ADAMTS9: variants seen among roughly 807,000 people sequenced by gnomAD.
ADAMTS9 encodes the protein A disintegrin and metalloproteinase with thrombospondin motifs 9.
In ADAMTS9, 107 loss-of-function variants were observed where a neutral mutation model predicts 257.1. The observed-to-expected ratio is 0.42, with a 90% CI of 0.36 to 0.49. The LOEUF (loss-of-function observed/expected upper bound fraction) is 0.49, where lower values mean the gene tolerates loss of function less well. Ranked by LOEUF, ADAMTS9 falls within the 20% of genes least tolerant of loss-of-function variation. The probability of loss-of-function intolerance (pLI) is 0.03; values close to 1 mark genes in which losing one functional copy is unlikely to be tolerated. For synonymous variants in ADAMTS9, 982 were observed against 880.9 expected, an observed-to-expected ratio of 1.11 and a Z score of -2.03; for missense variants, 2,353 against 2,469.1, an observed-to-expected ratio of 0.95 and a Z score of 1.00.
In ADAMTS9 at chr3:64,659,489, A is replaced by G. The variant is rs185802464; in HGVS notation, c.680-698T>C. ...TGTCTCAAACAAAAAAAAAAAAAAA[A>G]AAAGGAAATGTTTCATATATATCAC... On this transcript the variant is annotated intron_variant, in intron 3 of 39. Coordinates refer to ENST00000498707, the MANE Select transcript of ADAMTS9 (RefSeq NM_182920.2). Among the ~76,000 whole-genome samples the G allele has an allele frequency of 1.2e-3, 186 of 152,100 alleles. 1 individual carries two copies. Among genetic ancestry groups the G allele is most frequent in the Non-Finnish European group, 2.0e-3 (136 of 67,984 alleles).
chr3:64,627,061 T>C (rs911218521), intron 16 of ADAMTS9, among the ~76,000 whole-genome samples: 4 of 152,184 alleles, frequency 2.6e-5, no homozygotes, highest in African/African-American at 9.6e-5. Context: ...TCAAATGAAG[T>C]TGCATGCTAG....
At chr3:64,590,533 G>T (rs925110480) in intron 28 of ADAMTS9, among the ~76,000 whole-genome samples, 9 of 152,160 alleles carry the variant, frequency 5.9e-5, no homozygotes, top group African/African-American at 2.2e-4. Context: ...AGGTGTGGCT[G>T]CTTAAAACTG....
intron 8 of ADAMTS9, among the ~76,000 whole-genome samples, chr3:64,653,646 A>T (rs774232246): frequency 6.6e-6 from 1 of 152,208 alleles, no homozygotes; most frequent in Non-Finnish European, 1.5e-5. Flanking sequence ...AATTATTTCG[A>T]AATAGATAGT....
chr3:64,613,326 A>G lies in ADAMTS9; in HGVS notation c.3354+19T>C. On this transcript the variant is annotated intron_variant, in intron 22 of 39. Transcript: ENST00000498707. ...GAAGGAAAGAATGTAGCAGTTAAGAATCTTATCGTTCAAAATACCTGTCCC... is the reference window on the plus strand; with the variant it reads ...GAAGGAAAGAATGTAGCAGTTAAGAGTCTTATCGTTCAAAATACCTGTCCC... The G allele has an allele frequency of 6.2e-7, 1 of 1,611,264 alleles. No individual in the cohort carries two copies. The highest frequency in any genetic ancestry group is 1.7e-4 in the Middle Eastern group (1 of 6,036).
At chr3:64,619,444 C>A (rs890582054) in intron 19 of ADAMTS9, among the ~76,000 whole-genome samples, 1 of 152,124 alleles carries the variant, frequency 6.6e-6, no homozygotes, top group South Asian at 2.1e-4. Context: ...GATCTAGGTA[C>A]AGATTTAGAT....
chr3:64,594,105 T>C lies in ADAMTS9; in HGVS notation c.4356+153A>G, dbSNP rs78088367. Reference sequence around the variant, plus strand: ...GCAATATCATAAAAAGTTAATTCTATTATGTGCCAATATGGAGAAAATAAT... The same window carrying C: ...GCAATATCATAAAAAGTTAATTCTACTATGTGCCAATATGGAGAAAATAAT... On this transcript the variant is annotated intron_variant, in intron 28 of 39. Transcript: ENST00000498707. 0.017 allele frequency among the ~76,000 whole-genome samples: 2,518 copies of C among 152,178 alleles called. 60 individuals are homozygous for C. Among genetic ancestry groups the C allele is most frequent in the African/African-American group, 0.056 (2,338 of 41,498 alleles).
chr3:64,592,263 C>T (rs557040274), intron 28 of ADAMTS9: 1 of 152,214 alleles, frequency 6.6e-6, no homozygotes, highest in South Asian at 2.1e-4. Context: ...ATAAAGAAAC[C>T]ATTGAAATCA....
chr3:64,604,111 T>C (rs758612431), intron 24 of ADAMTS9, 22 bp from the exon 25 acceptor site: 2 of 1,613,500 alleles, frequency 1.2e-6, no homozygotes, highest in South Asian at 2.2e-5. Flanking sequence ...AGTAAAATCA[T>C]GCAGTTATAT....
chr3:64,610,202 C>T (rs141878322), intron 22 of ADAMTS9, among the ~76,000 whole-genome samples: 330 of 152,274 alleles, frequency 2.2e-3, no homozygotes, highest in African/African-American at 7.1e-3. Context: ...ACATTGGATT[C>T]GGCAATGACT....
intron 3 of ADAMTS9, among the ~76,000 whole-genome samples, chr3:64,664,549 T>G (rs1290253395): frequency 2.0e-5 from 3 of 152,216 alleles, no homozygotes; most frequent in Admixed American, 6.5e-5. Context: ...TGTGACTGGC[T>G]TCTTTCACTT....
intron 30 of ADAMTS9, among the ~76,000 whole-genome samples, chr3:64,553,142 C>G (rs1163855337): frequency 7.9e-5 from 12 of 152,266 alleles, no homozygotes; most frequent in South Asian, 4.1e-4. Flanking sequence ...AACCATCACC[C>G]CATCTAGTTC....
intron 22 of ADAMTS9, among the ~76,000 whole-genome samples, chr3:64,612,211 A>G (rs1017697339): frequency 6.6e-6 from 1 of 152,198 alleles, no homozygotes; most frequent in African/African-American, 2.4e-5. Flanking sequence ...AAGGAAAAAA[A>G]AAGATCTCTA....
At chr3:64,683,984 T>C (rs965700979) in intron 2 of ADAMTS9, among the ~76,000 whole-genome samples, 5 of 152,052 alleles carry the variant, frequency 3.3e-5, no homozygotes, top group African/African-American at 1.2e-4. Context: ...ATAAATTATA[T>C]ACACCTCCAA....
chr3:64,544,997 G>C (rs2083177940), intron 32 of ADAMTS9, among the ~76,000 whole-genome samples: 1 of 25,694 alleles, frequency 3.9e-5, no homozygotes, highest in Non-Finnish European at 1.7e-4. Flanking sequence ...GCAGCCAAAA[G>C]ACACATGAAA....
chr3:64,603,269 A>G (rs1165536922), intron 25 of ADAMTS9, among the ~76,000 whole-genome samples: 1 of 152,122 alleles, frequency 6.6e-6, no homozygotes, highest in African/African-American at 2.4e-5. Flanking sequence ...GCACCTCTCA[A>G]ATTTCTCTCT....
intron 39 of ADAMTS9, among the ~76,000 whole-genome samples, chr3:64,518,508 T>C (rs2082809048): frequency 6.6e-6 from 1 of 152,192 alleles, no homozygotes; most frequent in South Asian, 2.1e-4. Context: ...TGGCATAATG[T>C]ACTCAGGTCA....
intron 16 of ADAMTS9, among the ~76,000 whole-genome samples, chr3:64,626,501 A>G (rs1479532016): frequency 6.6e-6 from 1 of 152,172 alleles, no homozygotes; most frequent in East Asian, 1.9e-4. Context: ...CCATTTAAAA[A>G]TCCACTTTTT....
intron 3 of ADAMTS9, among the ~76,000 whole-genome samples, chr3:64,673,232 G>T (rs1297808609): frequency 6.6e-6 from 1 of 152,146 alleles, no homozygotes; most frequent in Admixed American, 6.5e-5. Context: ...CACAATGACA[G>T]CCATCAAGGC....
chr3:64,682,244 G>A (rs778757618), intron 2 of ADAMTS9, among the ~76,000 whole-genome samples: 1 of 152,176 alleles, frequency 6.6e-6, no homozygotes, highest in Non-Finnish European at 1.5e-5. Flanking sequence ...GATACTTAAT[G>A]TAAAGAGTTA....
Sources: allele counts gnomAD v4.1 joint callset (sites outside exome capture counted in the v4.1 genomes callset), GRCh38; gene constraint gnomAD v4.1.1; transcripts MANE v1.5; gene names NCBI Gene and HGNC (gene_info 2026-07-23, HGNC 2026-07-21).